Variants in ZNF831 observed in about 807,000 individuals in gnomAD.
ZNF831 encodes the protein chromosome 20 open reading frame 174.
In ZNF831, 59 loss-of-function variants were observed where a neutral mutation model predicts 95.8. The observed-to-expected ratio is 0.62, with a 90% CI of 0.50 to 0.77. The LOEUF (loss-of-function observed/expected upper bound fraction) is 0.77. ZNF831 is among the 30% of genes least tolerant of loss of function. The probability of loss-of-function intolerance (pLI) is 0.00; values close to 1 mark genes in which losing one functional copy is unlikely to be tolerated. For missense variants in ZNF831, 2,205 were observed against 2,164.0 expected (o/e 1.02, Z -0.38); for synonymous variants, 961 against 925.5 (o/e 1.04, Z -0.70).
Position 59,194,846 on chromosome 20 carries a change from C to A in ZNF831, c.3738+89C>A, listed in dbSNP as rs113568707. ...CTCATGAGGGAAGGAAGTCTGAAGC[C>A]GTCCCATGTAGCATCTGCTGTTCAC... On this transcript the variant is annotated intron_variant, in intron 2 of 5. Transcript: ENST00000371030. 22 of 1,439,968 alleles carry A rather than the reference C, an allele frequency of 1.5e-5. No homozygotes were observed. In the African/African-American group the frequency reaches 1.7e-4, roughly 11 times the overall value. The allele number at this position is 1,439,968 out of a possible 1,614,324, so 89.2% of individuals were successfully genotyped here.
intron 4 of ZNF831, among the ~76,000 whole-genome samples, chr20:59,248,945 T>G (rs1285855438): frequency 6.6e-6 from 1 of 152,164 alleles, no homozygotes; most frequent in Non-Finnish European, 1.5e-5. Context: ...GCTTCAAAAT[T>G]TAAACTTCTT....
chr20:59,246,372 G>A (rs1987610874), intron 4 of ZNF831, among the ~76,000 whole-genome samples: 1 of 152,194 alleles, frequency 6.6e-6, no homozygotes, highest in Non-Finnish European at 1.5e-5. Context: ...GGAAAGATGA[G>A]AAGCTGTTTC....
At position 59,206,926 on chromosome 20, in the gene ZNF831, G is replaced by A. The variant is rs775906918; in HGVS notation, c.3897G>A (p.Gln1299=). ...ACAGGTACAAAGGGAATTTCTTGCA[G>A]AGCTGTGTTCAGCTGAGAGCCAGTA... The part of the protein sequence containing the change: ...NPKRYKGNFL[Q]SCVQLRASRL... Residue 1299 remains glutamine, a synonymous_variant, in exon 4 of 6, where the codon CAG becomes CAA. Coordinates refer to ENST00000371030, the MANE Select transcript of ZNF831 (RefSeq NM_178457.3). The A allele has an allele frequency of 1.7e-5, 27 of 1,614,140 alleles. No homozygotes were observed. In the Middle Eastern group the frequency reaches 4.9e-4, roughly 30 times the overall value.
rs554824148 is a variant in ZNF831 at position 59,222,986 on chromosome 20, C to T, written c.4027+15930C>T. 9.9e-5 allele frequency among the ~76,000 whole-genome samples: 15 copies of T among 152,272 alleles called. No individual in the cohort carries two copies. In the East Asian group the frequency reaches 2.9e-3, roughly 29 times the overall value. On this transcript the variant is annotated intron_variant, in intron 4 of 5. Transcript: ENST00000371030. ...GCTGAGCAAGCGACTGTCGTCACGG[C>T]CCCCGCACCAGACGACCCCAGCCTG...
At chr20:59,142,639 T>C (rs1248429335) in intron 1 of ZNF831, among the ~76,000 whole-genome samples, 1 of 152,204 alleles carries the variant, frequency 6.6e-6, no homozygotes, top group East Asian at 1.9e-4. Flanking sequence ...TCCTTCCTAA[T>C]CCCTTTTAAC....
At chr20:59,239,549 C>CTT (rs10653584) in intron 4 of ZNF831, among the ~76,000 whole-genome samples, 6,176 of 127,362 alleles carry the variant, frequency 0.048, 318 homozygotes, top group African/African-American at 0.097. Context: ...TCTGTAAACA[C>CTT]TTTTTTTTTT....
At chr20:59,175,775 G>T (rs1982107350) in intron 1 of ZNF831, among the ~76,000 whole-genome samples, 1 of 152,164 alleles carries the variant, frequency 6.6e-6, no homozygotes, top group Admixed American at 6.5e-5. Flanking sequence ...TTTCCTTTCA[G>T]TTTGAGGTCT....
chr20:59,143,995 C>T (rs1306893497), intron 1 of ZNF831, among the ~76,000 whole-genome samples: 1 of 152,206 alleles, frequency 6.6e-6, no homozygotes, highest in Non-Finnish European at 1.5e-5. Flanking sequence ...CTTTTTAAAG[C>T]TTTTCTGTGC....
Position 59,208,097 on chromosome 20 carries a change from TGAA to T in ZNF831, c.4027+1048_4027+1050del, listed in dbSNP as rs1021757487. ...TCATCTTACAGTTGGGGCCAGTTGT[TGAA>T]GAAGAAAGGTTGTTTTTGTTAAGGA... On this transcript the variant is annotated intron_variant, in intron 4 of 5. Transcript: ENST00000371030. The surrounding 1 kb of genome is among the most constrained non-coding windows in gnomAD (Gnocchi z 4.2). Among the ~76,000 whole-genome samples, 1 of 152,224 alleles carries T rather than the reference TGAA, an allele frequency of 6.6e-6. No homozygotes were observed. Among genetic ancestry groups the T allele is most frequent in the Admixed American group, 6.5e-5 (1 of 15,288 alleles).
chr20:59,253,151 A>C lies in ZNF831; in HGVS notation c.4188+13A>C, dbSNP rs751167405. On this transcript the variant is annotated intron_variant, in intron 5 of 5. Coordinates refer to ENST00000371030, the MANE Select transcript of ZNF831 (RefSeq NM_178457.3). ...ACGAACTGTGAAGGTGGGCATGATG[A>C]TTTTGAGCTGCCTCTACCTATTCCT... 1 of 1,613,550 alleles carries C rather than the reference A, an allele frequency of 6.2e-7. No individual in the cohort carries two copies. Among genetic ancestry groups the C allele is most frequent in the African/African-American group, 1.3e-5 (1 of 74,896 alleles).
At chr20:59,175,154 T>G (rs1238179440) in intron 1 of ZNF831, among the ~76,000 whole-genome samples, 4 of 151,784 alleles carry the variant, frequency 2.6e-5, no homozygotes, top group African/African-American at 9.7e-5. Flanking sequence ...TCTTTCAATA[T>G]TTTTTATCTT....
At chr20:59,209,018 G>C (rs1292003867) in intron 4 of ZNF831, among the ~76,000 whole-genome samples, 1 of 152,172 alleles carries the variant, frequency 6.6e-6, no homozygotes, top group East Asian at 1.9e-4. Flanking sequence ...GGGGAACTAA[G>C]GTGACCCCTG....
At position 59,256,647 on chromosome 20, in the gene ZNF831, G is replaced by C. The variant is rs1988202092; in HGVS notation, c.*1904G>C. 1 of 152,234 alleles carries C rather than the reference G, an allele frequency of 6.6e-6. No individual in the cohort carries two copies. The highest frequency in any genetic ancestry group is 2.4e-5 in the African/African-American group (1 of 41,452). The allele number at this position is 152,234 out of a possible 1,614,324, so 9.4% of individuals were successfully genotyped here. ...TTTTCTGAGAATGGTTGATAGAGAAGCTGCTCTCTCCTTAAAATGCATGGA... is the reference window on the plus strand; with the variant it reads ...TTTTCTGAGAATGGTTGATAGAGAACCTGCTCTCTCCTTAAAATGCATGGA... On this transcript the variant is annotated 3_prime_UTR_variant, in exon 6 of 6. Coordinates refer to ENST00000371030, the MANE Select transcript of ZNF831 (RefSeq NM_178457.3).
chr20:59,193,653 G>A lies in ZNF831; in HGVS notation c.2634G>A (p.Glu878=). 1 of 1,613,046 alleles carries A rather than the reference G, an allele frequency of 6.2e-7. No individual in the cohort carries two copies. The highest frequency in any genetic ancestry group is 2.2e-5 in the East Asian group (1 of 44,868). ...AGGAGAGTGCCAGGCAGGTGGGCGAGCCTCTGGAGTCCTCTGGAGCCTCCT... is the reference window on the plus strand; with the variant it reads ...AGGAGAGTGCCAGGCAGGTGGGCGAACCTCTGGAGTCCTCTGGAGCCTCCT... ...GSKESARQVG[E]PLESSGASLA... Residue 878 remains glutamate, a synonymous_variant, in exon 2 of 6, where the codon GAG becomes GAA. Coordinates refer to ENST00000371030, the MANE Select transcript of ZNF831 (RefSeq NM_178457.3).
At chr20:59,138,688 C>T (rs1404967723) in intron 1 of ZNF831, among the ~76,000 whole-genome samples, 2 of 152,216 alleles carry the variant, frequency 1.3e-5, no homozygotes, top group African/African-American at 2.4e-5. Flanking sequence ...GTGGAAGTTA[C>T]ACCTTTTCTT....
rs1258849002 is a variant in ZNF831, at chr20:59,193,454, G to A, written c.2435G>A (p.Gly812Asp). The change falls in exon 2 of 6, where the codon GGC (glycine) becomes GAC (aspartate). Residue 812 changes from glycine (G) to aspartate (D), a missense_variant. Physicochemically the swap from Gly to Asp is moderately conservative, Grantham distance 94. Coordinates refer to ENST00000371030, the MANE Select transcript of ZNF831 (RefSeq NM_178457.3). ...AQTVLRWPSR[G>D]SGEDKLPSER... is the part of the protein sequence containing the mutation. Reference sequence around the variant, plus strand: ...ACTGTCCTGAGATGGCCCAGCAGGGGCTCAGGGGAGGACAAGCTCCCCTCA... The same window carrying A: ...ACTGTCCTGAGATGGCCCAGCAGGGACTCAGGGGAGGACAAGCTCCCCTCA... 1.2e-6 allele frequency: 2 copies of A among 1,607,050 alleles called. No homozygotes were observed. Among genetic ancestry groups the A allele is most frequent in the Non-Finnish European group, 8.5e-7 (1 of 1,176,748 alleles).
At chr20:59,231,886 A>G (rs1284855357) in intron 4 of ZNF831, among the ~76,000 whole-genome samples, 1 of 152,190 alleles carries the variant, frequency 6.6e-6, no homozygotes, top group African/African-American at 2.4e-5. Context: ...CTCAAATTAT[A>G]TGGTGAGCTA....
rs2146595086 is a variant in ZNF831 at position 59,194,163 on chromosome 20, C to T, written c.3144C>T (p.Pro1048=). Residue 1048 remains proline, a synonymous_variant, in exon 2 of 6, where the codon CCC becomes CCT. Coordinates refer to ENST00000371030, the MANE Select transcript of ZNF831 (RefSeq NM_178457.3). ...TGCCCATCTCAGCACCAGGGGCTCC[C>T]AGGGAGGCTACCTCCTCCCCGCCCA... The part of the protein sequence containing the change: ...RELPISAPGA[P]REATSSPPTP... The T allele has an allele frequency of 6.3e-7, 1 of 1,583,156 alleles. No individual in the cohort carries two copies. Among genetic ancestry groups the T allele is most frequent in the Non-Finnish European group, 8.6e-7 (1 of 1,163,210 alleles).
upstream of ZNF831, among the ~76,000 whole-genome samples, chr20:59,161,685 A>T: frequency 6.6e-6 from 1 of 152,194 alleles, no homozygotes; most frequent in African/African-American, 2.4e-5. Flanking sequence ...GGTTGATTCC[A>T]TGCCTTTGCT....
Sources: allele counts gnomAD v4.1 joint callset (sites outside exome capture counted in the v4.1 genomes callset), GRCh38; gene constraint gnomAD v4.1.1; non-coding constraint Gnocchi (gnomAD v3.1); transcripts MANE v1.5; gene names NCBI Gene and HGNC (gene_info 2026-07-23, HGNC 2026-07-21).